The following PAPPA2 variants were observed in gnomAD, a reference collection of about 807,000 sequenced individuals.
PAPPA2 encodes pappalysin 2.
Under a neutral mutation model 176.4 loss-of-function variants are expected in PAPPA2, and 86 were observed. The observed-to-expected ratio is 0.49, with a 90% CI of 0.41 to 0.58. The LOEUF is 0.58. PAPPA2 is among the 20% of genes least tolerant of loss of function. The pLI, the probability that PAPPA2 is intolerant of heterozygous loss-of-function variation, is 0.00. For missense variants in PAPPA2, 2,073 were observed against 2,256.9 expected, an observed-to-expected ratio of 0.92 and a Z score of 1.65; for synonymous variants, 809 against 852.2, an observed-to-expected ratio of 0.95 and a Z score of 0.88.
At chr1:176,585,775 C>A (rs957408442) in intron 2 of PAPPA2, among the ~76,000 whole-genome samples, 12 of 151,872 alleles carry the variant, frequency 7.9e-5, no homozygotes, top group Admixed American at 7.2e-4. Context: ...TGTTTAAGTT[C>A]TTGATTGTAC....
chr1:176,837,329 G>A (rs1393167941), intron 21 of PAPPA2, among the ~76,000 whole-genome samples: 1 of 151,956 alleles, frequency 6.6e-6, no homozygotes, highest in East Asian at 1.9e-4. Context: ...TTGACTTTCT[G>A]GCTCAAACAT....
intron 1 of PAPPA2, among the ~76,000 whole-genome samples, chr1:176,529,140 A>C (rs1171240498): frequency 3.9e-5 from 6 of 152,284 alleles, no homozygotes; most frequent in African/African-American, 1.2e-4. Flanking sequence ...GGAGAAAAGG[A>C]AGTCTTTAGA....
intron 14 of PAPPA2, among the ~76,000 whole-genome samples, chr1:176,764,074 A>G (rs1368377635): frequency 1.3e-5 from 2 of 152,144 alleles, no homozygotes; most frequent in Admixed American, 6.5e-5. Flanking sequence ...ATCCACTCTC[A>G]TGGGAACTAA....
chr1:176,762,780 G>C (rs1397745659), intron 14 of PAPPA2, among the ~76,000 whole-genome samples: 1 of 152,126 alleles, frequency 6.6e-6, no homozygotes, highest in African/African-American at 2.4e-5. Flanking sequence ...TATCAGCATT[G>C]AATTTGGGGA....
intron 1 of PAPPA2, among the ~76,000 whole-genome samples, chr1:176,499,871 G>C (rs190187312): frequency 7.3e-4 from 111 of 152,274 alleles, no homozygotes; most frequent in Middle Eastern, 3.4e-3. Flanking sequence ...TGTGGTAACT[G>C]AACAAAGGCT....
chr1:176,661,945 G>T (rs1658382462), intron 3 of PAPPA2, among the ~76,000 whole-genome samples: 1 of 151,900 alleles, frequency 6.6e-6, no homozygotes, highest in African/African-American at 2.4e-5. Context: ...ATGTAATTTT[G>T]TACACACTTC....
At position 176,795,329 on chromosome 1, in the gene PAPPA2, C is replaced by A. The variant is rs139810393; in HGVS notation, c.5130+1660C>A. On this transcript the variant is annotated intron_variant, in intron 20 of 22. Coordinates refer to ENST00000367662, the MANE Select transcript of PAPPA2 (RefSeq NM_020318.3). Reference sequence around the variant, plus strand: ...CTCCTCAATGCGGGATTCATTTCATCTTTTACTCAGGAGGAGGTGGCTGCA... The same window carrying A: ...CTCCTCAATGCGGGATTCATTTCATATTTTACTCAGGAGGAGGTGGCTGCA... Among the ~76,000 whole-genome samples, 33 of 152,204 alleles carry A rather than the reference C, an allele frequency of 2.2e-4. 1 individual carries two copies. The highest frequency in any genetic ancestry group is 1.2e-3 in the Admixed American group (19 of 15,282).
At chr1:176,475,237 T>C (rs538804034) in intron 1 of PAPPA2, among the ~76,000 whole-genome samples, 1 of 152,216 alleles carries the variant, frequency 6.6e-6, no homozygotes, top group Non-Finnish European at 1.5e-5. Flanking sequence ...CATTTGCTCC[T>C]GGCTGGCACA....
chr1:176,492,124 A>T (rs1238278742), intron 1 of PAPPA2, among the ~76,000 whole-genome samples: 1 of 152,200 alleles, frequency 6.6e-6, no homozygotes, highest in Non-Finnish European at 1.5e-5. Flanking sequence ...AAACATCCCT[A>T]CAACTAGAGG....
chr1:176,692,406 C>T, intron 6 of PAPPA2, 88 bp downstream of exon 6: 2 of 1,332,986 alleles, frequency 1.5e-6, no homozygotes, highest in Non-Finnish European at 1.0e-6. Context: ...TCCAGGGGAA[C>T]TCCAATTTGG....
intron 1 of PAPPA2, among the ~76,000 whole-genome samples, chr1:176,524,230 A>C (rs1409735488): frequency 2.6e-5 from 4 of 152,100 alleles, no homozygotes; most frequent in Admixed American, 1.3e-4. Flanking sequence ...GTAATAAGCC[A>C]TATACGCTGC....
chr1:176,786,239 A>T (rs1418391640), intron 17 of PAPPA2, among the ~76,000 whole-genome samples: 1 of 152,232 alleles, frequency 6.6e-6, no homozygotes, highest in Non-Finnish European at 1.5e-5. Context: ...TTTAAATGTC[A>T]TCTTTCTGGA....
chr1:176,705,056 A>G (rs1345008327), intron 9 of PAPPA2, among the ~76,000 whole-genome samples: 2 of 152,178 alleles, frequency 1.3e-5, no homozygotes, highest in African/African-American at 4.8e-5. Context: ...GACCTCCAAG[A>G]TTATTCCTGG....
chr1:176,545,559 G>T (rs977432650), intron 1 of PAPPA2, among the ~76,000 whole-genome samples: 2 of 151,944 alleles, frequency 1.3e-5, no homozygotes, highest in African/African-American at 4.8e-5. Context: ...CATTGATTTA[G>T]GTATTGTAAG....
intron 3 of PAPPA2, among the ~76,000 whole-genome samples, chr1:176,649,812 T>C (rs563963354): frequency 6.6e-6 from 1 of 151,718 alleles, no homozygotes; most frequent in South Asian, 2.1e-4. Context: ...TTGTTTCATG[T>C]CCTAACAGAT....
chr1:176,464,532 T>C (rs1040077427), intron 1 of PAPPA2, among the ~76,000 whole-genome samples: 1 of 152,178 alleles, frequency 6.6e-6, no homozygotes, highest in Non-Finnish European at 1.5e-5. Flanking sequence ...GAATTTTTAT[T>C]TTGCACCAGG....
At chr1:176,541,351 C>G (rs1331465353) in intron 1 of PAPPA2, among the ~76,000 whole-genome samples, 2 of 152,170 alleles carry the variant, frequency 1.3e-5, no homozygotes, top group Non-Finnish European at 1.5e-5. Context: ...ATAATCTGCA[C>G]AGTATTTTGG....
At position 176,699,756 on chromosome 1, in the gene PAPPA2, T is replaced by A. The variant is rs561618573; in HGVS notation, c.3236+167T>A. ...CATATCTGAGGTAAAGAAAAGCACTTCCCAGAAAGGGGCAAGCAGGTGTCT... is the reference window on the plus strand; with the variant it reads ...CATATCTGAGGTAAAGAAAAGCACTACCCAGAAAGGGGCAAGCAGGTGTCT... On this transcript the variant is annotated intron_variant, in intron 8 of 22. Coordinates refer to ENST00000367662, the MANE Select transcript of PAPPA2 (RefSeq NM_020318.3). 2.0e-5 allele frequency among the ~76,000 whole-genome samples: 3 copies of A among 152,276 alleles called. No individual in the cohort carries two copies. The South Asian group carries it at 6.2e-4, about 32-fold the overall frequency.
chr1:176,740,206 T>TC lies in PAPPA2; in HGVS notation c.4151+13dup. On this transcript the variant is annotated intron_variant, in intron 14 of 22. Transcript: ENST00000367662. ...ATCATCAGGGACAGAGGTACAAACT[T>TC]CCCTTTCTTTCTTTTGTTTCCTTTT... is the stretch of plus-strand genomic sequence containing the variant. 6.2e-7 allele frequency: 1 copy of TC among 1,609,530 alleles called. No homozygotes were observed.
Sources: gnomAD v4.1 joint callset for allele counts (sites outside exome capture counted in the v4.1 genomes callset) on GRCh38, gnomAD v4.1.1 for gene constraint, MANE v1.5 for transcripts, NCBI Gene and HGNC (gene_info 2026-07-23, HGNC 2026-07-21) for gene names.